The following FAM168A variants were observed in gnomAD, a reference collection of about 807,000 sequenced individuals.
FAM168A encodes the protein protein FAM168A.
In FAM168A, 3 loss-of-function variants were observed where a neutral mutation model predicts 28.5. That is an observed-to-expected ratio of 0.11 (90% confidence interval 0.05 to 0.27). The LOEUF is 0.27. Among genes scored for constraint, FAM168A ranks in the 10% least tolerant of loss-of-function variants. The pLI, the probability that FAM168A is intolerant of heterozygous loss-of-function variation, is 1.00. For synonymous variants in FAM168A, 122 were observed against 124.2 expected, an observed-to-expected ratio of 0.98 and a Z score of 0.12; for missense variants, 222 against 311.5, an observed-to-expected ratio of 0.71 and a Z score of 2.16.
At chr11:73,592,922 T>C (rs532675846) in intron 1 of FAM168A, among the ~76,000 whole-genome samples, 18 of 152,002 alleles carry the variant, frequency 1.2e-4, no homozygotes, top group Non-Finnish European at 2.2e-4. Context: ...ACAATACTTA[T>C]GCTTCTTTTT....
intron 2 of FAM168A, among the ~76,000 whole-genome samples, chr11:73,468,071 A>T (rs183016132): frequency 2.4e-4 from 36 of 152,328 alleles, no homozygotes; most frequent in Middle Eastern, 6.8e-3. Flanking sequence ...AGCATTTTTT[A>T]AAAAAATTAA....
At chr11:73,521,548 A>C (rs995055129) in intron 1 of FAM168A, among the ~76,000 whole-genome samples, 3 of 152,098 alleles carry the variant, frequency 2.0e-5, no homozygotes, top group African/African-American at 7.2e-5. Flanking sequence ...GGAGATGGAG[A>C]GGTAGGGGAT....
At chr11:73,547,075 A>C (rs762441584) in intron 1 of FAM168A, among the ~76,000 whole-genome samples, 2 of 147,858 alleles carry the variant, frequency 1.4e-5, no homozygotes, top group Non-Finnish European at 3.0e-5. Flanking sequence ...GCTTGAGCCC[A>C]GAAGTTCAAG....
chr11:73,419,882 G>C lies in FAM168A; in HGVS notation c.269C>G (p.Ala90Gly). Reference protein sequence around the residue: ...TENRTYQASSAAFRYTAGTPY... With the variant: ...TENRTYQASSGAFRYTAGTPY... ...AGACAGGCTGTATTTACTGAAAGCC[G>C]CAGAGGATGCTTGGTAAGTTCGGTT... The change falls in exon 4 of 8, where the codon GCG (alanine) becomes GGG (glycine). Residue 90 changes from alanine to glycine, a missense_variant. Ala to Gly is a moderately conservative substitution (Grantham distance 60, BLOSUM62 0). This residue lies in a region of FAM168A where 153 missense variants were observed against 189.2 expected (regional missense o/e 0.81). Transcript: ENST00000356467. 6 of 1,613,882 alleles carry C rather than the reference G, an allele frequency of 3.7e-6. No individual in the cohort carries two copies. The highest frequency in any genetic ancestry group is 5.1e-6 in the Non-Finnish European group (6 of 1,179,864).
chr11:73,482,725 GT>G (rs1281101485), intron 1 of FAM168A, among the ~76,000 whole-genome samples: 6 of 151,608 alleles, frequency 4.0e-5, no homozygotes, highest in South Asian at 2.1e-4. Context: ...TTAAGAACAA[GT>G]TTTTTTTGTG....
intron 1 of FAM168A, among the ~76,000 whole-genome samples, chr11:73,511,321 CT>C (rs1414936040): frequency 6.6e-6 from 1 of 151,976 alleles, no homozygotes; most frequent in African/African-American, 2.4e-5. Context: ...ACTGCAAGCT[CT>C]GCCTCCTGGG....
intron 1 of FAM168A, among the ~76,000 whole-genome samples, chr11:73,528,767 C>T (rs1455482282): frequency 5.9e-5 from 9 of 152,124 alleles, no homozygotes; most frequent in Non-Finnish European, 8.8e-5. Context: ...GGATGATGAC[C>T]TGGGAAAGGC....
chr11:73,498,878 G>T (rs1346497231), intron 1 of FAM168A, among the ~76,000 whole-genome samples: 1 of 152,204 alleles, frequency 6.6e-6, no homozygotes, highest in Non-Finnish European at 1.5e-5. Context: ...CTGGACCTGA[G>T]CCCCTAGCGG....
chr11:73,509,215 C>G (rs545488631), intron 1 of FAM168A, among the ~76,000 whole-genome samples: 2 of 152,276 alleles, frequency 1.3e-5, no homozygotes, highest in African/African-American at 4.8e-5. Flanking sequence ...ATCACACAGG[C>G]AAGTCAAGGA....
intron 1 of FAM168A, among the ~76,000 whole-genome samples, chr11:73,561,457 G>A (rs1044641888): frequency 5.3e-5 from 8 of 151,364 alleles, no homozygotes; most frequent in African/African-American, 1.5e-4. Flanking sequence ...TAGCAACTGG[G>A]GAGACATATA....
intron 1 of FAM168A, among the ~76,000 whole-genome samples, chr11:73,541,557 C>T (rs767479853): frequency 6.6e-6 from 1 of 151,700 alleles, no homozygotes; most frequent in Non-Finnish European, 1.5e-5. Flanking sequence ...ATTTTTAGTA[C>T]AGACAGGGTT....
chr11:73,473,902 C>A (rs1867850912), intron 1 of FAM168A, among the ~76,000 whole-genome samples: 1 of 151,838 alleles, frequency 6.6e-6, no homozygotes, highest in African/African-American at 2.4e-5. Context: ...CAACCTCTGC[C>A]TCCCAGGTTC....
chr11:73,576,207 C>T (rs1202568308), intron 1 of FAM168A, among the ~76,000 whole-genome samples: 1 of 152,178 alleles, frequency 6.6e-6, no homozygotes, highest in Admixed American at 6.5e-5. Context: ...TAACCACCTG[C>T]CATCCCCAAA....
chr11:73,408,194 C>T (rs1349424070), intron 6 of FAM168A, among the ~76,000 whole-genome samples: 1 of 152,150 alleles, frequency 6.6e-6, no homozygotes, highest in African/African-American at 2.4e-5. Flanking sequence ...TCTTTGTATG[C>T]TTCTCTTATT....
intron 1 of FAM168A, among the ~76,000 whole-genome samples, chr11:73,522,573 T>C (rs562955877): frequency 3.3e-5 from 5 of 151,944 alleles, no homozygotes; most frequent in African/African-American, 1.2e-4. Context: ...CCTGACATCA[T>C]GATCCACCCA....
chr11:73,502,101 GAAA>G (rs374810262), intron 1 of FAM168A, among the ~76,000 whole-genome samples: 2 of 56,540 alleles, frequency 3.5e-5, no homozygotes, highest in African/African-American at 1.4e-4. Flanking sequence ...GCTTTGTCTC[GAAA>G]AAAAAAAAAA....
At chr11:73,429,288 A>G (rs77756739) in intron 3 of FAM168A, among the ~76,000 whole-genome samples, 5,331 of 152,286 alleles carry the variant, frequency 0.035, 110 homozygotes, top group Middle Eastern at 0.061. Flanking sequence ...ATTCTAGTCC[A>G]TATGTGGCTG....
At position 73,556,403 on chromosome 11, in the gene FAM168A, TTAA is replaced by T. The variant is rs942853179; in HGVS notation, c.-19+41517_-19+41519del. ...TTCCCTCCATCCCACCACTAGCAAATTAATAATAATAATAATAATTTAAATAAT... is the reference window on the plus strand; with the variant it reads ...TTCCCTCCATCCCACCACTAGCAAATTAATAATAATAATAATTTAAATAAT... On this transcript the variant is annotated intron_variant, in intron 1 of 7. Transcript: ENST00000356467. Among the ~76,000 whole-genome samples the T allele has an allele frequency of 7.4e-5, 11 of 148,794 alleles. No homozygotes were observed. The East Asian group carries it at 9.8e-4, about 13-fold the overall frequency.
At chr11:73,464,329 G>T (rs1188801117) in intron 2 of FAM168A, among the ~76,000 whole-genome samples, 1 of 149,216 alleles carries the variant, frequency 6.7e-6, no homozygotes, top group Non-Finnish European at 1.5e-5. Flanking sequence ...ATCTGGGGGT[G>T]GGGGGGAAAA....
Sources: allele counts gnomAD v4.1 joint callset (sites outside exome capture counted in the v4.1 genomes callset), GRCh38; gene constraint gnomAD v4.1.1; regional missense constraint gnomAD v4.1.1; transcripts MANE v1.5; gene names NCBI Gene and HGNC (gene_info 2026-07-23, HGNC 2026-07-21).